FAM118B: variants seen among roughly 807,000 people sequenced by gnomAD.
FAM118B encodes protein FAM118B.
In FAM118B, 24 loss-of-function variants were observed where a neutral mutation model predicts 38.5. The observed-to-expected ratio is 0.62, with a 90% CI of 0.45 to 0.88. FAM118B has a LOEUF of 0.88. Among genes scored for constraint, FAM118B ranks in the 40% least tolerant of loss-of-function variants. The pLI, the probability that FAM118B is intolerant of heterozygous loss-of-function variation, is 0.00. For synonymous variants in FAM118B, 138 were observed against 156.3 expected, an observed-to-expected ratio of 0.88 and a Z score of 0.87; for missense variants, 334 against 420.0, an observed-to-expected ratio of 0.80 and a Z score of 1.79.
intron 1 of FAM118B, among the ~76,000 whole-genome samples, chr11:126,228,748 A>G (rs1950173863): frequency 6.6e-6 from 1 of 151,800 alleles, no homozygotes; most frequent in Non-Finnish European, 1.5e-5. Context: ...TTTAGTAGAG[A>G]TGGGGTTTCA....
chr11:126,261,780 G>A (rs796216264), intron 8 of FAM118B, among the ~76,000 whole-genome samples: 3 of 152,112 alleles, frequency 2.0e-5, no homozygotes, highest in South Asian at 4.1e-4. Flanking sequence ...CTTGAGCCCA[G>A]GAGTTTGAGA....
At chr11:126,233,138 T>A (rs1276390911) in intron 2 of FAM118B, among the ~76,000 whole-genome samples, 1 of 152,238 alleles carries the variant, frequency 6.6e-6, no homozygotes, top group African/African-American at 2.4e-5. Flanking sequence ...CAAACTTTTT[T>A]AATTTAATGA....
At chr11:126,261,644 T>C (rs1399617138) in intron 8 of FAM118B, among the ~76,000 whole-genome samples, 160 bp downstream of exon 8, 1 of 152,224 alleles carries the variant, frequency 6.6e-6, no homozygotes, top group East Asian at 1.9e-4. Flanking sequence ...AAGGATTCTA[T>C]CTTTTCCTAT....
chr11:126,261,593 T>TA (rs1950700747), intron 8 of FAM118B, 109 bp downstream of exon 8: 1 of 796,572 alleles, frequency 1.3e-6, no homozygotes, highest in Admixed American at 2.4e-5. Flanking sequence ...TGCCAAATTT[T>TA]AAAAAACACT....
chr11:126,221,850 C>T (rs1175618360), intron 1 of FAM118B, among the ~76,000 whole-genome samples: 1 of 152,086 alleles, frequency 6.6e-6, no homozygotes, highest in Non-Finnish European at 1.5e-5. Flanking sequence ...TAAACACCAA[C>T]AATTTCATTG....
chr11:126,247,595 C>T (rs1950433963), intron 4 of FAM118B, among the ~76,000 whole-genome samples: 1 of 152,038 alleles, frequency 6.6e-6, no homozygotes, highest in South Asian at 2.1e-4. Flanking sequence ...CGCGGTGGCT[C>T]ACGCCTGCAA....
chr11:126,226,699 G>T (rs191707332), intron 1 of FAM118B, among the ~76,000 whole-genome samples: 322 of 152,272 alleles, frequency 2.1e-3, no homozygotes, highest in Non-Finnish European at 4.0e-3. Flanking sequence ...CCCAGCATTG[G>T]CCAGGTGCAG....
At chr11:126,246,497 G>A (rs551131112) in intron 4 of FAM118B, among the ~76,000 whole-genome samples, 4 of 152,288 alleles carry the variant, frequency 2.6e-5, no homozygotes, top group East Asian at 1.9e-4. Context: ...TCCTTGTGTC[G>A]CTTTGTGAAG....
At chr11:126,237,689 A>T (rs1489990224) in intron 3 of FAM118B, among the ~76,000 whole-genome samples, 1 of 144,054 alleles carries the variant, frequency 6.9e-6, no homozygotes, top group Non-Finnish European at 1.5e-5. Context: ...CTAAAAAAAA[A>T]AAAAAAAAAA....
rs892464930 is a variant in FAM118B, at chr11:126,253,652, C to T, written c.568-653C>T. ...GTGACTCAGCCAGGCATTTTTTCTGCTGATTTTTGCACCCTCTTCACATAC... is the reference window on the plus strand; with the variant it reads ...GTGACTCAGCCAGGCATTTTTTCTGTTGATTTTTGCACCCTCTTCACATAC... On this transcript the variant is annotated intron_variant, in intron 5 of 8. Coordinates refer to ENST00000533050, the MANE Select transcript of FAM118B (RefSeq NM_024556.4). This position sits in a 1 kb window ranked among gnomAD's most constrained non-coding sequence, Gnocchi z 5.1. Among the ~76,000 whole-genome samples the T allele has an allele frequency of 9.2e-5, 14 of 152,128 alleles. No individual in the cohort carries two copies. Among genetic ancestry groups the T allele is most frequent in the Admixed American group, 2.6e-4 (4 of 15,266 alleles).
In FAM118B at chr11:126,253,494, A is replaced by G. The variant is rs557392836; in HGVS notation, c.568-811A>G. On this transcript the variant is annotated intron_variant, in intron 5 of 8. Transcript: ENST00000533050. This position sits in a 1 kb window ranked among gnomAD's most constrained non-coding sequence, Gnocchi z 5.1. ...TCGCTGGCAGCCTTTTAGGTTCCTC[A>G]GAGGTGACTGAAGTGATTTTTCTAT... Among the ~76,000 whole-genome samples, 2 of 152,332 alleles carry G rather than the reference A, an allele frequency of 1.3e-5. No homozygotes were observed. Among genetic ancestry groups the G allele is most frequent in the African/African-American group, 4.8e-5 (2 of 41,572 alleles).
chr11:126,242,024 CAA>C (rs60865966), intron 4 of FAM118B, among the ~76,000 whole-genome samples: 1,885 of 88,444 alleles, frequency 0.021, 35 homozygotes, highest in African/African-American at 0.071. Context: ...GACTCCGTCT[CAA>C]AAAAAAAAAA....
chr11:126,242,741 T>C (rs1279563515), intron 4 of FAM118B, among the ~76,000 whole-genome samples: 1 of 152,210 alleles, frequency 6.6e-6, no homozygotes, highest in Admixed American at 6.5e-5. Context: ...ATAAGTGTTA[T>C]TAAGGATGTG....
In FAM118B at chr11:126,250,708, C is replaced by A; in HGVS notation, c.542C>A (p.Ser181Tyr). 1 of 1,613,782 alleles carries A rather than the reference C, an allele frequency of 6.2e-7. No homozygotes were observed. The highest frequency in any genetic ancestry group is 8.5e-7 in the Non-Finnish European group (1 of 1,179,732). ...YAADQGKQLE[S>Y]LDLTDEKKVL... ...GCAGATCAGGGGAAACAGCTTGAAT[C>A]CCTTGACCTTACTGATGAGAAAAAG... The change falls in exon 5 of 9, where the codon TCC (serine) becomes TAC (tyrosine). Residue 181 changes from serine (S) to tyrosine (Y), a missense_variant. Physicochemically the swap from Ser to Tyr is moderately radical, Grantham distance 144. Around this residue, in one of 3 missense-constraint regions of FAM118B, gnomAD observed 240 missense variants for 295.9 expected, o/e 0.81. Coordinates refer to ENST00000533050, the MANE Select transcript of FAM118B (RefSeq NM_024556.4). This position sits in a 1 kb window ranked among gnomAD's most constrained non-coding sequence, Gnocchi z 5.1.
Position 126,249,563 on chromosome 11 carries a change from T to C in FAM118B, c.340-943T>C, listed in dbSNP as rs377437448. Among the ~76,000 whole-genome samples the C allele has an allele frequency of 1.5e-4, 23 of 151,626 alleles. No individual in the cohort carries two copies. In the East Asian group the frequency reaches 3.3e-3, roughly 22 times the overall value. On this transcript the variant is annotated intron_variant, in intron 4 of 8. Transcript: ENST00000533050. Reference sequence around the variant, plus strand: ...CTGGCCAAGATGGTGAAACCCCGTCTCTACTAAAAATACAAAAATTAGCTG... The same window carrying C: ...CTGGCCAAGATGGTGAAACCCCGTCCCTACTAAAAATACAAAAATTAGCTG...
At chr11:126,223,773 G>A (rs1222350616) in intron 1 of FAM118B, among the ~76,000 whole-genome samples, 1 of 152,176 alleles carries the variant, frequency 6.6e-6, no homozygotes, top group South Asian at 2.1e-4. Flanking sequence ...TTACAGAGTA[G>A]ACATCAGAGA....
At position 126,261,422 on chromosome 11, in the gene FAM118B, T is replaced by C; in HGVS notation, c.983-3T>C. 1 of 1,613,738 alleles carries C rather than the reference T, an allele frequency of 6.2e-7. No individual in the cohort carries two copies. The highest frequency in any genetic ancestry group is 8.5e-7 in the Non-Finnish European group (1 of 1,179,608). The stretch of plus-strand genomic sequence containing the variant: ...ATGTCTGATGCTGATGTCCTCTATT[T>C]AGCAGGGATGGTGAGAGAAGGTCAG... On this transcript the variant is annotated splice_polypyrimidine_tract_variant and splice_region_variant and intron_variant, in intron 7 of 8. Transcript: ENST00000533050.
downstream of FAM118B, chr11:126,262,969 T>G (rs1950733459): frequency 6.5e-6 from 1 of 152,672 alleles, no homozygotes; most frequent in African/African-American, 2.4e-5. Context: ...CTTATATAAA[T>G]TACTTATTTC....
rs1950730568 is a variant in FAM118B, at chr11:126,262,864, G to C, written c.*731G>C. On this transcript the variant is annotated 3_prime_UTR_variant, in exon 9 of 9. Transcript: ENST00000533050. ...TTGTCCTGACCATACATATGTCCTA[G>C]AACTACAGTTAAGTGTGTTGTGGAA... is the stretch of plus-strand genomic sequence containing the variant. 6.6e-6 allele frequency: 1 copy of C among 152,594 alleles called. No homozygotes were observed. Among genetic ancestry groups the C allele is most frequent in the African/African-American group, 2.4e-5 (1 of 41,436 alleles). 9.5% of individuals were successfully genotyped at this position (152,594 alleles called of 1,614,324 possible). A position where few individuals can be genotyped will look rare whatever the true frequency, so the allele number is the denominator to read the frequency against.
Sources: gnomAD v4.1 joint callset for allele counts (sites outside exome capture counted in the v4.1 genomes callset) on GRCh38, gnomAD v4.1.1 for gene constraint, gnomAD v4.1.1 regional missense constraint, Gnocchi (gnomAD v3.1) non-coding constraint, MANE v1.5 for transcripts, NCBI Gene and HGNC (gene_info 2026-07-23, HGNC 2026-07-21) for gene names.